Variants in FSCN3 observed in about 807,000 individuals in gnomAD.
The protein encoded by FSCN3 is fascin-3.
In FSCN3, 43 loss-of-function variants were observed where a neutral mutation model predicts 53.5. The observed-to-expected ratio is 0.80, with a 90% CI of 0.63 to 1.04. The LOEUF (loss-of-function observed/expected upper bound fraction) is 1.04, where lower values mean the gene tolerates loss of function less well. FSCN3 is among the 50% of genes least tolerant of loss of function. FSCN3 has a pLI of 0.00. For synonymous variants in FSCN3, 235 were observed against 246.6 expected, an observed-to-expected ratio of 0.95 and a Z score of 0.44; for missense variants, 594 against 646.5, an observed-to-expected ratio of 0.92 and a Z score of 0.88.
In FSCN3 at chr7:127,596,320, C is replaced by T; in HGVS notation, c.842-8C>T. ...GGAGGCTTTTACTGACATGCGCTTCCTCTGCAGATGGTGAGGTGCGTGCTG... is the reference window on the plus strand; with the variant it reads ...GGAGGCTTTTACTGACATGCGCTTCTTCTGCAGATGGTGAGGTGCGTGCTG... On this transcript the variant is annotated splice_region_variant and splice_polypyrimidine_tract_variant and intron_variant, in intron 2 of 6. Transcript: ENST00000265825. The T allele has an allele frequency of 1.3e-6, 2 of 1,595,856 alleles. No individual in the cohort carries two copies. Among genetic ancestry groups the T allele is most frequent in the South Asian group, 1.1e-5 (1 of 90,656 alleles).
At position 127,593,945 on chromosome 7, in the gene FSCN3, A is replaced by G; in HGVS notation, c.92A>G (p.Glu31Gly). The G allele has an allele frequency of 6.2e-7, 1 of 1,611,582 alleles. No individual in the cohort carries two copies. The highest frequency in any genetic ancestry group is 8.5e-7 in the Non-Finnish European group (1 of 1,178,982). Residue 31 changes from glutamate to glycine, a missense_variant, in exon 1 of 7, where the codon GAG (glutamate) becomes GGG (glycine). Physicochemically the swap from Glu to Gly is moderately conservative, Grantham distance 98 (BLOSUM62 -2). Coordinates refer to ENST00000265825, the MANE Select transcript of FSCN3 (RefSeq NM_020369.3). ...ISWAGTYLTFEACKNTVTATA... is the reference protein window; with the variant it reads ...ISWAGTYLTFGACKNTVTATA... ...TGGGCAGGAACCTACCTCACCTTTG[A>G]GGCATGCAAGAATACAGTCACTGCA...
rs372024798 is a variant in FSCN3, at chr7:127,593,807, G to C, written c.-47G>C. On this transcript the variant is annotated 5_prime_UTR_variant, in exon 1 of 7. Transcript: ENST00000265825. ...TATGGCCTGTGGAACCTCACCACGG[G>C]GGGGAGGGCTGGGCCAGACGGAGAC... 6.7e-4 allele frequency: 1,039 copies of C among 1,549,832 alleles called. No individual in the cohort carries two copies. Among genetic ancestry groups the C allele is most frequent in the African/African-American group, 1.0e-3 (74 of 73,184 alleles).
At chr7:127,599,877 G>A (rs1040525725) in intron 5 of FSCN3, among the ~76,000 whole-genome samples, 7 of 151,146 alleles carry the variant, frequency 4.6e-5, no homozygotes, top group African/African-American at 7.3e-5. Context: ...CCCAGGAGGC[G>A]GAGCTTGCAG....
chr7:127,598,633 A>G, intron 4 of FSCN3, 39 bp downstream of exon 4: 1 of 1,541,308 alleles, frequency 6.5e-7, no homozygotes, highest in Middle Eastern at 1.7e-4. Flanking sequence ...ATTCCAAGTC[A>G]GGGAGAACTT....
intron 6 of FSCN3, among the ~76,000 whole-genome samples, chr7:127,601,125 G>A (rs1794468460): frequency 6.6e-6 from 1 of 152,094 alleles, no homozygotes; most frequent in Admixed American, 6.5e-5. Context: ...CTTTAACAAT[G>A]CCTCTTGTGT....
intron 5 of FSCN3, 53 bp from the exon 6 acceptor site, chr7:127,600,141 G>A (rs1038689047): frequency 3.1e-6 from 3 of 968,844 alleles, no homozygotes; most frequent in East Asian, 2.4e-5. Context: ...AGGCCAGATC[G>A]CTGGAGGACT....
chr7:127,598,443 C>T lies in FSCN3; in HGVS notation c.969C>T (p.His323=). ...ANGYYLSQRR[H]RAVMADGHPL... ...TCTGACATTCTTTCCAGAGGCGCCA[C>T]AGGGCAGTAATGGCTGATGGGCACC... The change falls in exon 4 of 7, where the codon CAC becomes CAT. Residue 323 remains histidine, a synonymous_variant. Coordinates refer to ENST00000265825, the MANE Select transcript of FSCN3 (RefSeq NM_020369.3). 6.2e-7 allele frequency: 1 copy of T among 1,613,720 alleles called. No homozygotes were observed. Among genetic ancestry groups the T allele is most frequent in the Non-Finnish European group, 8.5e-7 (1 of 1,179,712 alleles).
Position 127,593,802 on chromosome 7 carries a change from C to T in FSCN3, c.-52C>T, listed in dbSNP as rs1395075752. On this transcript the variant is annotated 5_prime_UTR_variant, in exon 1 of 7. Coordinates refer to ENST00000265825, the MANE Select transcript of FSCN3 (RefSeq NM_020369.3). Reference sequence around the variant, plus strand: ...GGCCCTATGGCCTGTGGAACCTCACCACGGGGGGGAGGGCTGGGCCAGACG... The same window carrying T: ...GGCCCTATGGCCTGTGGAACCTCACTACGGGGGGGAGGGCTGGGCCAGACG... 2.6e-6 allele frequency: 4 copies of T among 1,548,152 alleles called. No individual in the cohort carries two copies. The African/African-American group carries it at 4.1e-5, about 16-fold the overall frequency.
At chr7:127,598,724 G>A in intron 4 of FSCN3, 130 bp downstream of exon 4, 1 of 735,508 alleles carries the variant, frequency 1.4e-6, no homozygotes, top group Non-Finnish European at 2.2e-6. Flanking sequence ...CCAGCACTTT[G>A]GGAGGCTGAG....
At position 127,595,821 on chromosome 7, in the gene FSCN3, G is replaced by A. The variant is rs142804912; in HGVS notation, c.659G>A (p.Arg220Gln). The change falls in exon 2 of 7, where the codon CGG becomes CAG. Residue 220 changes from arginine (R) to glutamine (Q), a missense_variant. Transcript: ENST00000265825. The part of the protein sequence containing the change: ...SSQTAFHMQV[R>Q]PGGLVALCDG... ...CAGACAGCTTTTCACATGCAAGTGCGGCCTGGAGGGCTTGTGGCACTGTGT... is the reference window on the plus strand; with the variant it reads ...CAGACAGCTTTTCACATGCAAGTGCAGCCTGGAGGGCTTGTGGCACTGTGT... 4.3e-4 allele frequency: 696 copies of A among 1,613,532 alleles called. No individual in the cohort carries two copies. The highest frequency in any genetic ancestry group is 6.6e-4 in the Middle Eastern group (4 of 6,056).
chr7:127,600,402 A>G lies in FSCN3; in HGVS notation c.*3A>G. ...GAGAGTGTATCTGGGAATTTTAGGTAAGGGAGAGGAACAGGTAAGGGGCTA... is the reference window on the plus strand; with the variant it reads ...GAGAGTGTATCTGGGAATTTTAGGTGAGGGAGAGGAACAGGTAAGGGGCTA... On this transcript the variant is annotated splice_donor_region_variant and intron_variant, in intron 6 of 6. Coordinates refer to ENST00000265825, the MANE Select transcript of FSCN3 (RefSeq NM_020369.3). 6.4e-7 allele frequency: 1 copy of G among 1,557,868 alleles called. No individual in the cohort carries two copies. Among genetic ancestry groups the G allele is most frequent in the Non-Finnish European group, 8.9e-7 (1 of 1,128,856 alleles).
rs889204908 is a variant in FSCN3 at position 127,601,667 on chromosome 7, A to T, written c.*45A>T. ...CCAAAATCCAAATCCTCCAGGAAAA[A>T]CTACTACACTAAATGGACCAGGAAC... On this transcript the variant is annotated 3_prime_UTR_variant, in exon 7 of 7. Transcript: ENST00000265825. The T allele has an allele frequency of 6.6e-6, 1 of 152,196 alleles. No individual in the cohort carries two copies. Among genetic ancestry groups the T allele is most frequent in the Non-Finnish European group, 1.5e-5 (1 of 68,038 alleles). 9.4% of individuals were successfully genotyped at this position (152,196 alleles called of 1,614,324 possible).
intron 4 of FSCN3, 26 bp downstream of exon 4, chr7:127,598,620 A>C (rs746980409): frequency 1.3e-6 from 2 of 1,571,954 alleles, no homozygotes; most frequent in Non-Finnish European, 1.7e-6. Context: ...TTCCTGCCAG[A>C]TGATTCCAAG....
Position 127,595,391 on chromosome 7 carries a change from G to A in FSCN3, c.229G>A (p.Glu77Lys), listed in dbSNP as rs773354512. 5.6e-6 allele frequency: 9 copies of A among 1,614,216 alleles called. No homozygotes were observed. The highest frequency in any genetic ancestry group is 1.1e-5 in the South Asian group (1 of 91,078). Residue 77 changes from glutamate (E) to lysine (K), a missense_variant, in exon 2 of 7, where the codon GAG becomes AAG. Transcript: ENST00000265825. ...CGTGCAGGGCCTCTACCTGCTGTGT[G>A]AGTGTGATGGCACCGTGTGTTATGG... ...KSVQGLYLLC[E>K]CDGTVCYGRP...
chr7:127,595,968 G>T lies in FSCN3; in HGVS notation c.806G>T (p.Arg269Met), dbSNP rs778757556. ...LQHCPTWVSL[R>M]SKTGRFISVI... Reference sequence around the variant, plus strand: ...CACTGCCCAACCTGGGTCAGCCTCAGGTCAAAGACTGGGCGGTTCATCTCA... The same window carrying T: ...CACTGCCCAACCTGGGTCAGCCTCATGTCAAAGACTGGGCGGTTCATCTCA... Residue 269 changes from arginine to methionine, a missense_variant, in exon 2 of 7, where the codon AGG becomes ATG. Physicochemically the swap from Arg to Met is moderately conservative, Grantham distance 91. Transcript: ENST00000265825. The T allele has an allele frequency of 1.3e-6, 2 of 1,573,070 alleles. No individual in the cohort carries two copies. The highest frequency in any genetic ancestry group is 1.7e-6 in the Non-Finnish European group (2 of 1,158,004).
Position 127,593,766 on chromosome 7 carries a change from G to C in FSCN3, c.-88G>C. 7.0e-7 allele frequency: 1 copy of C among 1,437,900 alleles called. No homozygotes were observed. The highest frequency in any genetic ancestry group is 9.5e-7 in the Non-Finnish European group (1 of 1,057,450). The allele number at this position is 1,437,900 out of a possible 1,614,324, so 89.1% of individuals were successfully genotyped here. On this transcript the variant is annotated 5_prime_UTR_variant, in exon 1 of 7. Transcript: ENST00000265825. ...TGGGAACATCTGGTGGGTACTACAG[G>C]CCCTATTCCAGGCCCTATGGCCTGT...
chr7:127,598,133 A>C (rs1174733309), intron 3 of FSCN3, among the ~76,000 whole-genome samples: 1 of 152,168 alleles, frequency 6.6e-6, no homozygotes, highest in Non-Finnish European at 1.5e-5. Context: ...TTTAACTTTC[A>C]CTTTTATGCC....
Position 127,600,234 on chromosome 7 carries a change from C to T in FSCN3, c.1332C>T (p.Thr444=). Residue 444 remains threonine (T), a synonymous_variant, in exon 6 of 7, where the codon ACC becomes ACT. Coordinates refer to ENST00000265825, the MANE Select transcript of FSCN3 (RefSeq NM_020369.3). The part of the protein sequence containing the change: ...GSFWSITSFG[T]FRPWGKFALN... Reference sequence around the variant, plus strand: ...TCTGGTCAATAACATCCTTTGGCACCTTTCGCCCTTGGGGCAAGTTTGCCC... The same window carrying T: ...TCTGGTCAATAACATCCTTTGGCACTTTTCGCCCTTGGGGCAAGTTTGCCC... 13 of 1,610,940 alleles carry T rather than the reference C, an allele frequency of 8.1e-6. No individual in the cohort carries two copies. Among genetic ancestry groups the T allele is most frequent in the Non-Finnish European group, 1.0e-5 (12 of 1,177,028 alleles).
chr7:127,595,776 T>C lies in FSCN3; in HGVS notation c.614T>C (p.Leu205Pro). The C allele has an allele frequency of 6.2e-7, 1 of 1,614,016 alleles. No individual in the cohort carries two copies. The highest frequency in any genetic ancestry group is 8.5e-7 in the Non-Finnish European group (1 of 1,179,890). The change falls in exon 2 of 7, where the codon CTG becomes CCG. Residue 205 changes from leucine (L) to proline (P), a missense_variant. Transcript: ENST00000265825. Reference protein sequence around the residue: ...THHFLSHVDRLFSQPSSQTAF... With the variant: ...THHFLSHVDRPFSQPSSQTAF... ...CACTTCTTGTCCCATGTAGACCGGC[T>C]GTTCTCCCAACCCTCATCACAGACA...
Sources: gnomAD v4.1 joint callset for allele counts (sites outside exome capture counted in the v4.1 genomes callset) on GRCh38, gnomAD v4.1.1 for gene constraint, MANE v1.5 for transcripts, NCBI Gene and HGNC (gene_info 2026-07-23, HGNC 2026-07-21) for gene names.